The following CBFA2T2 variants were observed in gnomAD, a reference collection of about 807,000 sequenced individuals.
CBFA2T2 encodes CBFA2/RUNX1 partner transcriptional co-repressor 2, also known as protein CBFA2T2.
In CBFA2T2, 11 loss-of-function variants were observed where a neutral mutation model predicts 62.2. The observed-to-expected ratio is 0.18, with a 90% CI of 0.11 to 0.29. The LOEUF is 0.29. Among genes scored for constraint, CBFA2T2 ranks in the 10% least tolerant of loss-of-function variants. The pLI, the probability that CBFA2T2 is intolerant of heterozygous loss-of-function variation, is 1.00. For synonymous variants in CBFA2T2, 295 were observed against 287.5 expected, an observed-to-expected ratio of 1.03 and a Z score of -0.27; for missense variants, 592 against 774.1, an observed-to-expected ratio of 0.76 and a Z score of 2.79.
chr20:33,627,356 C>T (rs889024354), intron 6 of CBFA2T2, among the ~76,000 whole-genome samples: 12 of 151,858 alleles, frequency 7.9e-5, no homozygotes, highest in East Asian at 1.9e-4. Flanking sequence ...AAGATCACAC[C>T]GCTGCACTCC....
intron 9 of CBFA2T2, chr20:33,639,844 G>C (rs925881459): frequency 2.6e-5 from 4 of 152,598 alleles, no homozygotes; most frequent in African/African-American, 1.0e-4. Flanking sequence ...TGCTGTGATC[G>C]CAACAGTGCA....
chr20:33,606,120 A>G (rs2015330790), intron 1 of CBFA2T2, among the ~76,000 whole-genome samples: 1 of 152,126 alleles, frequency 6.6e-6, no homozygotes, highest in Non-Finnish European at 1.5e-5. Flanking sequence ...TGCCCAGCCT[A>G]TTAATATTGA....
intron 2 of CBFA2T2, among the ~76,000 whole-genome samples, chr20:33,609,914 G>A (rs1182641088): frequency 6.6e-6 from 1 of 152,024 alleles, no homozygotes; most frequent in African/African-American, 2.4e-5. Context: ...GTTTTTTAAG[G>A]CTGGATATGA....
At position 33,541,628 on chromosome 20, in the gene CBFA2T2, GGTTT is replaced by G. The variant is rs377089542; in HGVS notation, c.34+51340_34+51343del. ...GATGCCTTTCCACAGTTATGTTCCT[GGTTT>G]GTTTGTTTGTTTTTAGTTCTTTCTC... On this transcript the variant is annotated intron_variant, in intron 1 of 10. Transcript: ENST00000342704. 2.2e-3 allele frequency among the ~76,000 whole-genome samples: 334 copies of G among 152,206 alleles called. 1 individual carries two copies. Among genetic ancestry groups the G allele is most frequent in the South Asian group, 0.021 (100 of 4,822 alleles).
chr20:33,639,208 C>T (rs2016733842), intron 9 of CBFA2T2: 1 of 152,224 alleles, frequency 6.6e-6, no homozygotes, highest in Non-Finnish European at 1.5e-5. Flanking sequence ...ATCATTGCAC[C>T]AGCCTCCCGG....
chr20:33,575,821 A>G (rs2013796114), intron 1 of CBFA2T2, among the ~76,000 whole-genome samples: 1 of 152,136 alleles, frequency 6.6e-6, no homozygotes, highest in Admixed American at 6.5e-5. Context: ...TCTGTCGCCC[A>G]GGCTGGAGTG....
Position 33,537,244 on chromosome 20 carries a change from C to T in CBFA2T2, c.34+46943C>T, listed in dbSNP as rs76405856. On this transcript the variant is annotated intron_variant, in intron 1 of 10. Transcript: ENST00000342704. ...CTCCGTCTGCAATCCCGGCACCTCG[C>T]GAGGCCGAGGCTGGCGGATCACTCG... Among the ~76,000 whole-genome samples, 237 of 152,336 alleles carry T rather than the reference C, an allele frequency of 1.6e-3. 1 individual carries two copies. Among genetic ancestry groups the T allele is most frequent in the African/African-American group, 5.5e-3 (229 of 41,580 alleles).
chr20:33,585,892 A>G (rs1389998420), intron 1 of CBFA2T2, among the ~76,000 whole-genome samples: 2 of 152,224 alleles, frequency 1.3e-5, no homozygotes, highest in Non-Finnish European at 2.9e-5. Context: ...GTGATGGTTG[A>G]GGAAATGTGG....
At chr20:33,538,227 A>G (rs1030274194) in intron 1 of CBFA2T2, among the ~76,000 whole-genome samples, 3 of 151,914 alleles carry the variant, frequency 2.0e-5, no homozygotes, top group Non-Finnish European at 2.9e-5. Flanking sequence ...ATACTGTTTT[A>G]ATTTTTTCAG....
chr20:33,594,765 C>T lies in CBFA2T2; in HGVS notation c.35-12191C>T, dbSNP rs79766072. On this transcript the variant is annotated intron_variant, in intron 1 of 10. Transcript: ENST00000342704. ...TCTCTGAGTTCTCTGACTTTGGCTGCGTATGTGTGGCCCAGGCAGTAATGT... is the reference window on the plus strand; with the variant it reads ...TCTCTGAGTTCTCTGACTTTGGCTGTGTATGTGTGGCCCAGGCAGTAATGT... 5.5e-3 allele frequency among the ~76,000 whole-genome samples: 842 copies of T among 152,272 alleles called. 10 individuals are homozygous for T. The highest frequency in any genetic ancestry group is 0.019 in the African/African-American group (782 of 41,546).
intron 1 of CBFA2T2, among the ~76,000 whole-genome samples, chr20:33,591,314 T>C (rs1467529842): frequency 2.0e-5 from 3 of 151,268 alleles, no homozygotes; most frequent in Admixed American, 6.6e-5. Context: ...TGAAAACCCA[T>C]TTCTACTTAA....
intron 1 of CBFA2T2, among the ~76,000 whole-genome samples, chr20:33,594,649 G>A (rs1277101800): frequency 1.3e-5 from 2 of 152,136 alleles, no homozygotes; most frequent in African/African-American, 4.8e-5. Context: ...GTGAGAAATT[G>A]ATAGCGTTTT....
intron 1 of CBFA2T2, among the ~76,000 whole-genome samples, chr20:33,546,013 C>T (rs982897857): frequency 1.3e-5 from 2 of 152,142 alleles, no homozygotes; most frequent in African/African-American, 4.8e-5. Flanking sequence ...GTTAAATGTC[C>T]TACAAGGCCT....
intron 2 of CBFA2T2, among the ~76,000 whole-genome samples, chr20:33,610,625 C>T (rs2015487386): frequency 6.6e-6 from 1 of 152,018 alleles, no homozygotes; most frequent in African/African-American, 2.4e-5. Context: ...TAAAAAATAT[C>T]CCTCATATTA....
chr20:33,641,703 C>G (rs1392473793), intron 10 of CBFA2T2, among the ~76,000 whole-genome samples: 1 of 152,144 alleles, frequency 6.6e-6, no homozygotes, highest in Non-Finnish European at 1.5e-5. Flanking sequence ...CCACCTCAGC[C>G]TCCCAAGTAG....
intron 4 of CBFA2T2, among the ~76,000 whole-genome samples, chr20:33,620,981 T>G (rs1240572986): frequency 2.6e-5 from 4 of 152,192 alleles, no homozygotes; most frequent in African/African-American, 9.7e-5. Flanking sequence ...AAAGAAAAAC[T>G]TGGGAGGGAG....
intron 1 of CBFA2T2, among the ~76,000 whole-genome samples, chr20:33,587,203 C>T (rs892442468): frequency 3.3e-5 from 5 of 152,178 alleles, no homozygotes; most frequent in African/African-American, 1.2e-4. Context: ...CTTGGCCTCC[C>T]AAAGTGCTGG....
chr20:33,538,865 A>G (rs548607434), intron 1 of CBFA2T2, among the ~76,000 whole-genome samples: 1 of 147,798 alleles, frequency 6.8e-6, no homozygotes, highest in African/African-American at 2.5e-5. Context: ...TTTTTTAATT[A>G]GTTAATGGCT....
intron 1 of CBFA2T2, among the ~76,000 whole-genome samples, chr20:33,558,453 T>TAG (rs1197785682): frequency 6.6e-6 from 1 of 152,148 alleles, no homozygotes; most frequent in Admixed American, 6.6e-5. Context: ...TTTTAATGTA[T>TAG]AGGTTCTGCT....
Sources: allele counts gnomAD v4.1 joint callset (sites outside exome capture counted in the v4.1 genomes callset), GRCh38; gene constraint gnomAD v4.1.1; transcripts MANE v1.5; gene names NCBI Gene and HGNC (gene_info 2026-07-23, HGNC 2026-07-21).